Variants in ZNF91 observed in about 807,000 individuals in gnomAD.
The protein encoded by ZNF91 is zinc finger protein 91, also known as zinc finger protein 91 (HPF7, HTF10).
ZNF91 carries 7 observed loss-of-function variants against 12.6 expected under a neutral mutation model. That is an observed-to-expected ratio of 0.55 (90% CI 0.31 to 1.04). The LOEUF (loss-of-function observed/expected upper bound fraction) is 1.04, where lower values mean the gene tolerates loss of function less well. ZNF91 is among the 50% of genes least tolerant of loss of function. The pLI is 0.05. For synonymous variants in ZNF91, 453 were observed against 462.6 expected (o/e 0.98, Z 0.27); for missense variants, 1,217 against 1,385.4 (o/e 0.88, Z 1.93).
At chr19:23,392,401 A>G (rs1344917916) in intron 1 of ZNF91, among the ~76,000 whole-genome samples, 1 of 144,542 alleles carries the variant, frequency 6.9e-6, no homozygotes, top group Non-Finnish European at 1.5e-5. Flanking sequence ...CATCTCAAAA[A>G]AAAAAAAAAA....
chr19:23,320,325 T>C lies in ZNF91; in HGVS notation n.117-11228A>G, dbSNP rs139419996. ...TCATGGGCTCATATCAGCATGAAGG[T>C]CTTAATGCAGATTGCAATTCTCATG... On this transcript the variant is annotated intron_variant and non_coding_transcript_variant, in intron 1 of 1. Coordinates refer to the ZNF91 transcript ENST00000596528. Among the ~76,000 whole-genome samples, 42 of 152,282 alleles carry C rather than the reference T, an allele frequency of 2.8e-4. No individual in the cohort carries two copies. The East Asian group carries it at 7.5e-3, about 27-fold the overall frequency.
intron 1 of ZNF91, among the ~76,000 whole-genome samples, chr19:23,376,565 T>A (rs1213038128): frequency 2.6e-5 from 4 of 152,008 alleles, no homozygotes; most frequent in Admixed American, 2.0e-4. Flanking sequence ...AATTTTGTAT[T>A]TTTTGTAGAG....
At chr19:23,380,606 CA>C (rs1368604928) in intron 1 of ZNF91, 1 of 151,818 alleles carries the variant, frequency 6.6e-6, no homozygotes, top group East Asian at 1.9e-4. Flanking sequence ...GAGAAAAAAA[CA>C]AGTTAAAAGC....
chr19:23,313,297 G>A (rs1295132683), upstream of ZNF91, among the ~76,000 whole-genome samples: 1 of 152,248 alleles, frequency 6.6e-6, no homozygotes, highest in Non-Finnish European at 1.5e-5. Flanking sequence ...CCTAGGTGAT[G>A]TGACTCTATT....
chr19:23,364,090 G>C (rs946793127), intron 3 of ZNF91, among the ~76,000 whole-genome samples: 2 of 152,194 alleles, frequency 1.3e-5, no homozygotes, highest in African/African-American at 4.8e-5. Context: ...AGGCCAAGGA[G>C]GACAGATCAC....
intron 3 of ZNF91, among the ~76,000 whole-genome samples, chr19:23,368,554 CTCTCTCTCTA>C (rs1231266055): frequency 9.9e-5 from 10 of 101,410 alleles, no homozygotes; most frequent in African/African-American, 4.4e-4. Context: ...CTCTCTCTCT[CTCTCTCTCTA>C]TATATATATG....
At chr19:23,389,096 A>G (rs1969973798) in intron 1 of ZNF91, among the ~76,000 whole-genome samples, 1 of 152,072 alleles carries the variant, frequency 6.6e-6, no homozygotes, top group Non-Finnish European at 1.5e-5. Context: ...CAAAACCACC[A>G]TGACACAATT....
intron 3 of ZNF91, 76 bp downstream of exon 3, chr19:23,373,666 A>G: frequency 8.6e-7 from 1 of 1,156,738 alleles, no homozygotes; most frequent in South Asian, 1.5e-5. Context: ...AGCTTCTCAG[A>G]TCACTTTAAA....
At position 23,359,157 on chromosome 19, in the gene ZNF91, G is replaced by A; in HGVS notation, c.*246C>T. 1 of 515,774 alleles carries A rather than the reference G, an allele frequency of 1.9e-6. No individual in the cohort carries two copies. Among genetic ancestry groups the A allele is most frequent in the Non-Finnish European group, 3.6e-6 (1 of 277,654 alleles). 31.9% of individuals were successfully genotyped at this position (515,774 alleles called of 1,614,324 possible). A position where few individuals can be genotyped will look rare whatever the true frequency, so the allele number is the denominator to read the frequency against. On this transcript the variant is annotated 3_prime_UTR_variant, in exon 4 of 4. Coordinates refer to ENST00000300619, the MANE Select transcript of ZNF91 (RefSeq NM_003430.4). ...TATGAATTACCTTATGTTTAGTAAA[G>A]GTTGAAGACCGGTTAAAAGATTTGC...
intron 3 of ZNF91, chr19:23,339,742 C>G (rs954514945): frequency 6.6e-6 from 1 of 151,972 alleles, no homozygotes; most frequent in African/African-American, 2.4e-5. Flanking sequence ...AAGTTTAACA[C>G]TAGCCTGGGC....
In ZNF91 at chr19:23,378,818, C is replaced by T. The variant is rs575433312; in HGVS notation, c.31-4054G>A. On this transcript the variant is annotated intron_variant, in intron 1 of 3. Transcript: ENST00000300619. ...TGCTAGTCTAGACTAAAAGTTCTTGCATGGTAGGGACCATGACTGCTTCAT... is the reference window on the plus strand; with the variant it reads ...TGCTAGTCTAGACTAAAAGTTCTTGTATGGTAGGGACCATGACTGCTTCAT... Among the ~76,000 whole-genome samples, 64 of 152,264 alleles carry T rather than the reference C, an allele frequency of 4.2e-4. No homozygotes were observed. In the South Asian group the frequency reaches 0.013, roughly 31 times the overall value.
intron 1 of ZNF91, among the ~76,000 whole-genome samples, chr19:23,332,988 G>A (rs138922749): frequency 1.3e-5 from 2 of 152,304 alleles, no homozygotes; most frequent in East Asian, 3.9e-4. Context: ...AAAAAGAGGT[G>A]GTCTTTCACA....
chr19:23,359,509 G>A lies in ZNF91; in HGVS notation c.3470C>T (p.Thr1157Ile). 1 of 1,613,684 alleles carries A rather than the reference G, an allele frequency of 6.2e-7. No individual in the cohort carries two copies. The highest frequency in any genetic ancestry group is 8.5e-7 in the Non-Finnish European group (1 of 1,179,724). The change falls in exon 4 of 4, where the codon ACT becomes ATT. Residue 1157 changes from threonine (T) to isoleucine (I), a missense_variant. Physicochemically the swap from Thr to Ile is moderately conservative, Grantham distance 89 (BLOSUM62 -1). Around this residue, in one of 2 missense-constraint regions of ZNF91, gnomAD observed 491 missense variants for 489.8 expected, o/e 1.00. Coordinates refer to ENST00000300619, the MANE Select transcript of ZNF91 (RefSeq NM_003430.4). ...SILTNHKKIH[T>I]ITPVIPLLWE... ...AAGTAGTGGGATTACAGGTGTGATA[G>A]TATGAATTTTCTTATGGTTAGTAAG...
At position 23,395,385 on chromosome 19, in the gene ZNF91, C is replaced by A; in HGVS notation, c.-31G>T. On this transcript the variant is annotated 5_prime_UTR_variant, in exon 1 of 4. Coordinates refer to ENST00000300619, the MANE Select transcript of ZNF91 (RefSeq NM_003430.4). Reference sequence around the variant, plus strand: ...CTGTGGCTCTCCAATACCTGCAGGTCACAGGGCCACACAGGCTGGGCCTCC... The same window carrying A: ...CTGTGGCTCTCCAATACCTGCAGGTAACAGGGCCACACAGGCTGGGCCTCC... 1 of 1,612,418 alleles carries A rather than the reference C, an allele frequency of 6.2e-7. No individual in the cohort carries two copies. Among genetic ancestry groups the A allele is most frequent in the Non-Finnish European group, 8.5e-7 (1 of 1,179,170 alleles).
In ZNF91 at chr19:23,361,602, C is replaced by T; in HGVS notation, c.1377G>A (p.Glu459=). Residue 459 remains glutamate (E), a synonymous_variant, in exon 4 of 4, where the codon GAG becomes GAA. Coordinates refer to ENST00000300619, the MANE Select transcript of ZNF91 (RefSeq NM_003430.4). Reference sequence around the variant, plus strand: ...CACATTCTTTACATTTGAAGGGTTTCTCTCTAGTATGAAATCTTTTATGTT... The same window carrying T: ...CACATTCTTTACATTTGAAGGGTTTTTCTCTAGTATGAAATCTTTTATGTT... ...LTKHKRFHTR[E]KPFKCKECGK... 6.2e-7 allele frequency: 1 copy of T among 1,613,732 alleles called. No individual in the cohort carries two copies. The highest frequency in any genetic ancestry group is 8.5e-7 in the Non-Finnish European group (1 of 1,179,836).
Position 23,361,230 on chromosome 19 carries a change from A to G in ZNF91, c.1749T>C (p.Phe583=). The G allele has an allele frequency of 3.1e-6, 5 of 1,613,622 alleles. No homozygotes were observed. The highest frequency in any genetic ancestry group is 4.2e-6 in the Non-Finnish European group (5 of 1,179,814). The change falls in exon 4 of 4, where the codon TTT becomes TTC. Residue 583 remains phenylalanine (F), a synonymous_variant. Transcript: ENST00000300619. ...GTGTAGAAAGACTTGAGGAATGATT[A>G]AAAGCTTTGCCACATTCTTCACATT... The part of the protein sequence containing the change: ...LYKCEECGKA[F]NHSSSLSTHK...
At chr19:23,345,312 C>G (rs1377993072) in intron 3 of ZNF91, among the ~76,000 whole-genome samples, 1 of 152,166 alleles carries the variant, frequency 6.6e-6, no homozygotes, top group Non-Finnish European at 1.5e-5. Context: ...ATAAAAAAAC[C>G]TACAAACCTC....
chr19:23,357,377 T>C (rs892636540), downstream of ZNF91, among the ~76,000 whole-genome samples: 2 of 152,192 alleles, frequency 1.3e-5, no homozygotes, highest in South Asian at 2.1e-4. Flanking sequence ...GCCAAAAGAT[T>C]GTACAGCAAG....
chr19:23,353,497 A>G (rs1968416176), downstream of ZNF91, among the ~76,000 whole-genome samples: 1 of 152,200 alleles, frequency 6.6e-6, no homozygotes, highest in Non-Finnish European at 1.5e-5. Flanking sequence ...TGCCTACATC[A>G]AAAGGTCTGA....
Sources: gnomAD v4.1 joint callset for allele counts (sites outside exome capture counted in the v4.1 genomes callset) on GRCh38, gnomAD v4.1.1 for gene constraint, gnomAD v4.1.1 regional missense constraint, MANE v1.5 for transcripts, NCBI Gene and HGNC (gene_info 2026-07-23, HGNC 2026-07-21) for gene names.